WWOX: variants seen among roughly 807,000 people sequenced by gnomAD.
The protein encoded by WWOX is WW domain containing oxidoreductase.
WWOX carries 69 observed loss-of-function variants against 46.2 expected under a neutral mutation model. The ratio of observed to expected loss-of-function variants is 1.49; its 90% CI spans 1.23 to 1.82. The LOEUF (loss-of-function observed/expected upper bound fraction) is 1.82. Among genes scored for constraint, WWOX ranks in the 40% most tolerant of loss-of-function variants. The pLI is 0.00. For synonymous variants in WWOX, 359 were observed against 202.6 expected, an observed-to-expected ratio of 1.77 and a Z score of -6.56; for missense variants, 919 against 542.6, an observed-to-expected ratio of 1.69 and a Z score of -6.89.
At chr16:79,125,975 C>T (rs1191324822) in intron 8 of WWOX, among the ~76,000 whole-genome samples, 2 of 152,306 alleles carry the variant, frequency 1.3e-5, no homozygotes, top group East Asian at 1.9e-4. Flanking sequence ...TTTACTCTAA[C>T]ACCTCTTTCA....
At chr16:79,083,683 T>A (rs935003524) in intron 8 of WWOX, among the ~76,000 whole-genome samples, 1 of 152,206 alleles carries the variant, frequency 6.6e-6, no homozygotes, top group African/African-American at 2.4e-5. Flanking sequence ...AGAGGGAATA[T>A]ACTGCTACGG....
intron 5 of WWOX, among the ~76,000 whole-genome samples, chr16:78,183,963 G>T (rs1251046834): frequency 1.3e-5 from 2 of 152,148 alleles, no homozygotes; most frequent in Non-Finnish European, 2.9e-5. Context: ...CATCCTAAAA[G>T]CCTGCACAAA....
chr16:78,325,185 C>T (rs533974078), intron 5 of WWOX, among the ~76,000 whole-genome samples: 17 of 152,138 alleles, frequency 1.1e-4, no homozygotes, highest in South Asian at 4.1e-4. Flanking sequence ...AATCCTTTTC[C>T]GTCACCATGC....
intron 8 of WWOX, among the ~76,000 whole-genome samples, chr16:78,790,298 C>G (rs1305034277): frequency 1.3e-5 from 2 of 152,060 alleles, no homozygotes; most frequent in African/African-American, 4.8e-5. Flanking sequence ...GCACGCCTGA[C>G]TGATTTCTGT....
At chr16:78,815,804 T>G (rs1403977521) in intron 8 of WWOX, among the ~76,000 whole-genome samples, 2 of 152,048 alleles carry the variant, frequency 1.3e-5, no homozygotes, top group Non-Finnish European at 2.9e-5. Context: ...TCAGTGACCC[T>G]CCTCTTGCTG....
At chr16:78,706,058 G>GTTTT (rs3051058) in intron 8 of WWOX, among the ~76,000 whole-genome samples, 11,127 of 106,264 alleles carry the variant, frequency 0.1, 861 homozygotes, top group South Asian at 0.17. Context: ...GTTATGGCAG[G>GTTTT]TTTTTTTTTT....
chr16:78,704,520 C>A (rs900004977), intron 8 of WWOX, among the ~76,000 whole-genome samples: 7 of 152,104 alleles, frequency 4.6e-5, no homozygotes, highest in African/African-American at 1.7e-4. Flanking sequence ...AACAACGAGA[C>A]TTAGTATCTG....
chr16:78,862,454 C>T (rs186384423), intron 8 of WWOX, among the ~76,000 whole-genome samples: 16 of 151,728 alleles, frequency 1.1e-4, no homozygotes, highest in African/African-American at 3.6e-4. Flanking sequence ...ATATAGTATT[C>T]AATATAGATC....
intron 8 of WWOX, among the ~76,000 whole-genome samples, chr16:78,767,116 T>C (rs947124948): frequency 7.4e-6 from 1 of 135,932 alleles, no homozygotes; most frequent in Non-Finnish European, 1.6e-5. Flanking sequence ...CTTCCTTCCT[T>C]CTTTCCTTCC....
chr16:78,838,232 G>A (rs1440227502), intron 8 of WWOX, among the ~76,000 whole-genome samples: 1 of 152,110 alleles, frequency 6.6e-6, no homozygotes, highest in Non-Finnish European at 1.5e-5. Flanking sequence ...GGAGGGCTGT[G>A]CCTTGGTCAT....
rs1254953065 is a variant in WWOX at position 78,424,949 on chromosome 16, T to G, written c.685T>G (p.Phe229Val). Residue 229 changes from phenylalanine (F) to valine (V), a missense_variant, in exon 7 of 9, where the codon TTT becomes GTT. By Grantham distance (50) the Phe-to-Val change is conservative (BLOSUM62 -1). Transcript: ENST00000566780. ...SLTKDGLETT[F>V]QVNHLGHFYL... is the part of the protein sequence containing the mutation. ...CACCAAAGATGGCCTGGAGACCACC[T>G]TTCAAGTGAATCATCTGGGGCACTT... The G allele has an allele frequency of 6.2e-7, 1 of 1,614,160 alleles. No individual in the cohort carries two copies. The highest frequency in any genetic ancestry group is 8.5e-7 in the Non-Finnish European group (1 of 1,180,024).
chr16:78,473,541 C>G (rs1288369489), intron 8 of WWOX, among the ~76,000 whole-genome samples: 2 of 151,084 alleles, frequency 1.3e-5, no homozygotes, highest in Non-Finnish European at 2.9e-5. Context: ...AGTTTGCCAA[C>G]ACCCAGGTGA....
chr16:78,853,228 T>G (rs2052490913), intron 8 of WWOX, among the ~76,000 whole-genome samples: 1 of 152,156 alleles, frequency 6.6e-6, no homozygotes, highest in African/African-American at 2.4e-5. Flanking sequence ...TTTTTTTCTT[T>G]TTTGTTTTTT....
chr16:79,119,607 A>G (rs1415529945), intron 8 of WWOX, among the ~76,000 whole-genome samples: 2 of 152,240 alleles, frequency 1.3e-5, no homozygotes, highest in Non-Finnish European at 2.9e-5. Context: ...TAAGGCATGG[A>G]TTCAATAATG....
At chr16:78,101,172 C>G (rs974717729) in intron 1 of WWOX, among the ~76,000 whole-genome samples, 11 of 151,372 alleles carry the variant, frequency 7.3e-5, no homozygotes, top group South Asian at 2.1e-4. Context: ...CTCAGCCTCC[C>G]GAGTAGCTGG....
chr16:78,179,523 C>T (rs867332044), intron 5 of WWOX, among the ~76,000 whole-genome samples: 14 of 152,140 alleles, frequency 9.2e-5, no homozygotes, highest in African/African-American at 1.7e-4. Context: ...TGGCCCCCAA[C>T]GCTTCATGCT....
At position 78,382,355 on chromosome 16, in the gene WWOX, G is replaced by GT. The variant is rs2081972244; in HGVS notation, c.517-4504dup. 2.0e-5 allele frequency among the ~76,000 whole-genome samples: 3 copies of GT among 152,184 alleles called. No individual in the cohort carries two copies. In the South Asian group the frequency reaches 6.2e-4, roughly 32 times the overall value. ...CTCACCACATTGCCTTCCACATGCC[G>GT]TAGAGGCTGGCAGTGTTACAGACAA... On this transcript the variant is annotated intron_variant, in intron 5 of 8. Coordinates refer to ENST00000566780, the MANE Select transcript of WWOX (RefSeq NM_016373.4).
chr16:78,548,174 A>ATTC lies in WWOX; in HGVS notation c.1056+115422_1056+115423insTTC, dbSNP rs1567636447. On this transcript the variant is annotated intron_variant, in intron 8 of 8. Coordinates refer to ENST00000566780, the MANE Select transcript of WWOX (RefSeq NM_016373.4). ...TCTCAAAAAAAAAAAAAAAAAAAAA[A>ATTC]AAAATTACGAATTTTGCGAGGACGC... 5.1e-5 allele frequency among the ~76,000 whole-genome samples: 3 copies of ATTC among 58,620 alleles called. 1 individual carries two copies. Among genetic ancestry groups the ATTC allele is most frequent in the Non-Finnish European group, 9.2e-5 (2 of 21,640 alleles). 38.5% of individuals were successfully genotyped at this position (58,620 alleles called of 152,430 possible). A position where few individuals can be genotyped will look rare whatever the true frequency, so the allele number is the denominator to read the frequency against.
At chr16:78,666,532 T>C (rs1006144856) in intron 8 of WWOX, among the ~76,000 whole-genome samples, 9 of 152,222 alleles carry the variant, frequency 5.9e-5, no homozygotes, top group African/African-American at 1.9e-4. Flanking sequence ...GCAAATTTTA[T>C]TTACTCTCTA....
Sources: gnomAD v4.1 joint callset for allele counts (sites outside exome capture counted in the v4.1 genomes callset) on GRCh38, gnomAD v4.1.1 for gene constraint, MANE v1.5 for transcripts, NCBI Gene and HGNC (gene_info 2026-07-23, HGNC 2026-07-21) for gene names.